Variants in TTLL9 observed in about 807,000 individuals in gnomAD.
The protein encoded by TTLL9 is probable tubulin polyglutamylase TTLL9.
A neutral mutation model predicts 65.6 loss-of-function variants in TTLL9; 47 were observed. The observed-to-expected ratio is 0.72, with a 90% confidence interval of 0.57 to 0.91. The LOEUF is 0.91. Ranked by LOEUF, TTLL9 falls within the 40% of genes least tolerant of loss-of-function variation. TTLL9 has a pLI of 0.00. For missense variants in TTLL9, 537 were observed against 568.8 expected, an observed-to-expected ratio of 0.94 and a Z score of 0.57; for synonymous variants, 179 against 204.8, an observed-to-expected ratio of 0.87 and a Z score of 1.07.
intron 7 of TTLL9, 124 bp from the exon 8 acceptor site, chr20:31,922,839 T>C (rs961211682): frequency 4.2e-6 from 3 of 707,454 alleles, no homozygotes; most frequent in Non-Finnish European, 7.2e-6. Context: ...ATAACATTAG[T>C]ACTTACCTGA....
chr20:31,899,368 A>T (rs2063436811), intron 4 of TTLL9, among the ~76,000 whole-genome samples: 1 of 152,174 alleles, frequency 6.6e-6, no homozygotes, highest in Non-Finnish European at 1.5e-5. Flanking sequence ...AGTGGCTCAC[A>T]CCTATAATTC....
intron 2 of TTLL9, among the ~76,000 whole-genome samples, chr20:31,882,466 A>G (rs1005744823): frequency 1.3e-5 from 2 of 152,196 alleles, no homozygotes; most frequent in South Asian, 2.1e-4. Flanking sequence ...GCAGGTGGCA[A>G]TGTCACCAGC....
rs191504167 is a variant in TTLL9, at chr20:31,928,422, G to A, written c.748+2331G>A. On this transcript the variant is annotated intron_variant, in intron 10 of 14. Coordinates refer to ENST00000535842, the MANE Select transcript of TTLL9 (RefSeq NM_001008409.5). ...AACAGATTAATATTTTACCACATTC[G>A]CATCAGATATTACATACTAACTTTT... 2.7e-3 allele frequency among the ~76,000 whole-genome samples: 410 copies of A among 151,814 alleles called. 3 individuals carry two copies. Among genetic ancestry groups the A allele is most frequent in the African/African-American group, 9.5e-3 (393 of 41,428 alleles).
chr20:31,939,553 T>C (rs1285141581), intron 14 of TTLL9: 2 of 254,632 alleles, frequency 7.9e-6, no homozygotes, highest in African/African-American at 4.5e-5. Context: ...TCTTTAACAA[T>C]CTGGTGTATT....
intron 14 of TTLL9, chr20:31,940,745 T>A (rs1236237598): frequency 6.6e-6 from 1 of 152,176 alleles, no homozygotes; most frequent in African/African-American, 2.4e-5. Context: ...TCTCTTTCCA[T>A]GTGGCCACTC....
chr20:31,938,670 G>A (rs1394816017), intron 13 of TTLL9, among the ~76,000 whole-genome samples: 2 of 152,148 alleles, frequency 1.3e-5, no homozygotes, highest in Non-Finnish European at 2.9e-5. Flanking sequence ...TTGAGGTCAG[G>A]CGTTTGAGAC....
rs561104212 is a variant in TTLL9 at position 31,881,829 on chromosome 20, G to A, written c.70-5367G>A. Among the ~76,000 whole-genome samples, 68 of 152,280 alleles carry A rather than the reference G, an allele frequency of 4.5e-4. No homozygotes were observed. In the South Asian group the frequency reaches 8.1e-3, roughly 18 times the overall value. On this transcript the variant is annotated intron_variant, in intron 2 of 14. Transcript: ENST00000535842. ...GACTGATTCCTTTGAAAGGAAGGAC[G>A]AACTGCAGGTTGCTGAAGAATGCAC...
At chr20:31,909,661 G>A in intron 5 of TTLL9, 76 bp from the exon 6 acceptor site, 1 of 1,404,544 alleles carries the variant, frequency 7.1e-7, no homozygotes. Context: ...CAGGGTGGCT[G>A]GTGGATGTGT....
At chr20:31,929,431 C>G (rs143714048) in intron 10 of TTLL9, among the ~76,000 whole-genome samples, 319 of 152,292 alleles carry the variant, frequency 2.1e-3, no homozygotes, top group Middle Eastern at 6.8e-3. Flanking sequence ...CTTCTCTAGG[C>G]ATATTTTCTA....
chr20:31,887,624 G>C (rs2063212051), intron 3 of TTLL9, among the ~76,000 whole-genome samples: 1 of 152,140 alleles, frequency 6.6e-6, no homozygotes, highest in Non-Finnish European at 1.5e-5. Context: ...ACCCTGTGAT[G>C]ACTTGATGAC....
At chr20:31,941,571 T>G (rs1056262727) in intron 14 of TTLL9, among the ~76,000 whole-genome samples, 4 of 151,992 alleles carry the variant, frequency 2.6e-5, no homozygotes, top group African/African-American at 9.7e-5. Flanking sequence ...TTTATTATTT[T>G]TTTTTGAGAC....
chr20:31,896,271 C>T (rs1279741125), intron 3 of TTLL9, among the ~76,000 whole-genome samples: 2 of 152,204 alleles, frequency 1.3e-5, no homozygotes, highest in Non-Finnish European at 2.9e-5. Flanking sequence ...AGCCACCTAG[C>T]CCGGCCCCCT....
chr20:31,873,821 G>GAAGA (rs200264258), intron 2 of TTLL9, among the ~76,000 whole-genome samples: 1,209 of 95,922 alleles, frequency 0.013, 13 homozygotes, highest in Middle Eastern at 0.015. Flanking sequence ...AGGAAGGAAG[G>GAAGA]AAGAAAGAAA....
At chr20:31,924,491 C>G (rs2063862780) in intron 8 of TTLL9, among the ~76,000 whole-genome samples, 1 of 152,166 alleles carries the variant, frequency 6.6e-6, no homozygotes, top group Non-Finnish European at 1.5e-5. Context: ...CCATGGGGGT[C>G]TTTGACCACT....
intron 8 of TTLL9, among the ~76,000 whole-genome samples, chr20:31,924,733 A>C (rs1437471240): frequency 6.6e-6 from 1 of 151,928 alleles, no homozygotes; most frequent in Non-Finnish European, 1.5e-5. Context: ...ACAGATGTGC[A>C]CCACCATGCG....
chr20:31,890,146 C>CTTCTTTCTTTCTTTCTTTCTTTCT (rs2063279755), intron 3 of TTLL9, among the ~76,000 whole-genome samples: 1 of 18,952 alleles, frequency 5.3e-5, no homozygotes, highest in Non-Finnish European at 1.0e-4. Context: ...TCCTTCCTTC[C>CTTCTTTCTTTCTTTCTTTCTTTCT]TTCCTTCCTT....
chr20:31,872,275 G>A (rs776599286), intron 2 of TTLL9, among the ~76,000 whole-genome samples: 3 of 152,192 alleles, frequency 2.0e-5, no homozygotes, highest in East Asian at 1.9e-4. Flanking sequence ...AAAGCCAGGC[G>A]CAGTGGCTCA....
chr20:31,921,500 A>G (rs929504126), intron 7 of TTLL9, among the ~76,000 whole-genome samples: 5 of 152,216 alleles, frequency 3.3e-5, no homozygotes, highest in African/African-American at 1.2e-4. Flanking sequence ...TATAAATCAT[A>G]CTGCTATAAA....
chr20:31,886,891 T>C (rs147838994), intron 2 of TTLL9, among the ~76,000 whole-genome samples: 2 of 152,318 alleles, frequency 1.3e-5, no homozygotes, highest in East Asian at 3.9e-4. Flanking sequence ...AAAACTGGGG[T>C]TCAGGGCTGA....
Sources: allele counts gnomAD v4.1 joint callset (sites outside exome capture counted in the v4.1 genomes callset), GRCh38; gene constraint gnomAD v4.1.1; transcripts MANE v1.5; gene names NCBI Gene and HGNC (gene_info 2026-07-23, HGNC 2026-07-21).